Variants in ATP2C2 observed in about 807,000 individuals in gnomAD.
The protein encoded by ATP2C2 is ATPase secretory pathway Ca2+ transporting 2.
Under a neutral mutation model 110.8 loss-of-function variants are expected in ATP2C2, and 171 were observed. The observed-to-expected ratio is 1.54, with a 90% confidence interval of 1.36 to 1.75. The LOEUF (loss-of-function observed/expected upper bound fraction) is 1.75. Among genes scored for constraint, ATP2C2 ranks in the 40% most tolerant of loss-of-function variants. The pLI is 0.00. For synonymous variants in ATP2C2, 804 were observed against 508.4 expected, an observed-to-expected ratio of 1.58 and a Z score of -7.82; for missense variants, 1,963 against 1,235.0, an observed-to-expected ratio of 1.59 and a Z score of -8.84.
intron 23 of ATP2C2, 26 bp downstream of exon 23, chr16:84,459,412 T>G (rs1260001734): frequency 6.2e-7 from 1 of 1,610,118 alleles, no homozygotes; most frequent in South Asian, 1.1e-5. Context: ...CTGGGAGCCC[T>G]GTGTCTCTTT....
intron 1 of ATP2C2, among the ~76,000 whole-genome samples, chr16:84,388,256 C>A (rs1403112799): frequency 1.3e-5 from 2 of 151,906 alleles, no homozygotes; most frequent in African/African-American, 4.8e-5. Context: ...ACCCGGGAGG[C>A]AGAGGTTGCA....
intron 2 of ATP2C2, among the ~76,000 whole-genome samples, chr16:84,398,957 C>T (rs1321395930): frequency 6.6e-6 from 1 of 152,240 alleles, no homozygotes; most frequent in East Asian, 1.9e-4. Context: ...GGTAGCACAG[C>T]CCAGCGTGGA....
At chr16:84,421,201 T>C (rs993600773) in intron 7 of ATP2C2, among the ~76,000 whole-genome samples, 13 of 152,208 alleles carry the variant, frequency 8.5e-5, no homozygotes, top group African/African-American at 3.1e-4. Context: ...CAGTGACTTC[T>C]TATGCTTCAT....
intron 1 of ATP2C2, among the ~76,000 whole-genome samples, chr16:84,387,607 A>G (rs2151405271): frequency 6.6e-6 from 1 of 152,308 alleles, no homozygotes; most frequent in Admixed American, 6.5e-5. Flanking sequence ...CGTACTTAGA[A>G]TACTATAGAG....
intron 11 of ATP2C2, among the ~76,000 whole-genome samples, chr16:84,433,021 G>A (rs888879163): frequency 1.3e-5 from 2 of 152,158 alleles, no homozygotes; most frequent in Non-Finnish European, 2.9e-5. Context: ...CAGGGAGGGA[G>A]ACATTTGAGC....
At chr16:84,439,312 A>T in intron 12 of ATP2C2, 22 bp downstream of exon 12, 1 of 1,613,530 alleles carries the variant, frequency 6.2e-7, no homozygotes, top group Non-Finnish European at 8.5e-7. Context: ...CAGCTGGTGG[A>T]ATCCTTACAC....
intron 1 of ATP2C2, among the ~76,000 whole-genome samples, chr16:84,383,136 G>A (rs1567685831): frequency 6.6e-6 from 1 of 152,198 alleles, no homozygotes; most frequent in African/African-American, 2.4e-5. Flanking sequence ...GCACAGCTCA[G>A]TGGCCTACTG....
chr16:84,432,905 C>T (rs1264241424), intron 11 of ATP2C2, among the ~76,000 whole-genome samples: 1 of 152,110 alleles, frequency 6.6e-6, no homozygotes, highest in Non-Finnish European at 1.5e-5. Flanking sequence ...TGTGATTCGA[C>T]ACTGTCCCCT....
At chr16:84,413,783 C>G (rs1342482270) in intron 6 of ATP2C2, among the ~76,000 whole-genome samples, 1 of 151,980 alleles carries the variant, frequency 6.6e-6, no homozygotes, top group Non-Finnish European at 1.5e-5. Context: ...GGAAACCCTG[C>G]TGTGCGGGAC....
chr16:84,410,952 C>T, intron 6 of ATP2C2, 187 bp downstream of exon 6: 1 of 629,066 alleles, frequency 1.6e-6, no homozygotes. Context: ...GCATGTCACT[C>T]AACCTCTCTG....
intron 26 of ATP2C2, 83 bp from the exon 27 acceptor site, chr16:84,463,528 CAGG>C (rs1227240146): frequency 1.8e-6 from 2 of 1,123,256 alleles, no homozygotes; most frequent in Admixed American, 1.7e-5. Flanking sequence ...CTCACTTTAT[CAGG>C]AGGACTGGCA....
At position 84,460,527 on chromosome 16, in the gene ATP2C2, C is replaced by T. The variant is rs545035213; in HGVS notation, c.2334-127C>T. On this transcript the variant is annotated intron_variant, in intron 23 of 26. Coordinates refer to ENST00000262429, the MANE Select transcript of ATP2C2 (RefSeq NM_014861.4). The stretch of plus-strand genomic sequence containing the variant: ...GGAGGGCAGGTGCGATGCCTGGGGG[C>T]GTTCAGCAAATGCCTGGCCCTGCCC... 63 of 1,326,016 alleles carry T rather than the reference C, an allele frequency of 4.8e-5. No individual in the cohort carries two copies. The South Asian group carries it at 6.3e-4, about 13-fold the overall frequency. The allele number at this position is 1,326,016 out of a possible 1,614,324, so 82.1% of individuals were successfully genotyped here.
At position 84,418,187 on chromosome 16, in the gene ATP2C2, A is replaced by G. The variant is rs149756306; in HGVS notation, c.624+2596A>G. ...GACGCTTCGTCTTGGAGGTGGGGGC[A>G]CCGGGTGGGCATGAGCCCTGTGTGT... On this transcript the variant is annotated intron_variant, in intron 7 of 26. Coordinates refer to ENST00000262429, the MANE Select transcript of ATP2C2 (RefSeq NM_014861.4). Among the ~76,000 whole-genome samples, 1,070 of 152,272 alleles carry G rather than the reference A, an allele frequency of 7.0e-3. 15 individuals carry two copies. The highest frequency in any genetic ancestry group is 0.024 in the African/African-American group (1,015 of 41,560).
intron 6 of ATP2C2, among the ~76,000 whole-genome samples, chr16:84,411,515 C>T (rs916369008): frequency 5.9e-5 from 9 of 152,174 alleles, no homozygotes; most frequent in Non-Finnish European, 7.3e-5. Context: ...AATCTCAGTT[C>T]GCTGCAACCT....
chr16:84,421,823 G>A (rs1907366091), intron 7 of ATP2C2, among the ~76,000 whole-genome samples: 1 of 152,180 alleles, frequency 6.6e-6, no homozygotes, highest in African/African-American at 2.4e-5. Flanking sequence ...TTCCATTGGG[G>A]GTGGTGAGTT....
intron 1 of ATP2C2, among the ~76,000 whole-genome samples, chr16:84,385,015 C>T (rs917263988): frequency 6.6e-6 from 1 of 152,214 alleles, no homozygotes; most frequent in Non-Finnish European, 1.5e-5. Context: ...TAGCACTGCA[C>T]TCCAGCCTAG....
chr16:84,430,685 A>G (rs997360889), intron 11 of ATP2C2, among the ~76,000 whole-genome samples: 26 of 150,744 alleles, frequency 1.7e-4, no homozygotes, highest in Admixed American at 5.9e-4. Flanking sequence ...CAAGGAATTG[A>G]AGAGGGAGGG....
chr16:84,410,734 C>A lies in ATP2C2; in HGVS notation c.484C>A (p.Leu162Met). 6.2e-7 allele frequency: 1 copy of A among 1,614,198 alleles called. No homozygotes were observed. The highest frequency in any genetic ancestry group is 8.5e-7 in the Non-Finnish European group (1 of 1,180,024). ...EYRSEKSLEE[L>M]TKLVPPECNC... ...CAGGTCGGAGAAATCTCTGGAAGAGCTGACCAAGCTGGTTCCTCCAGAATG... is the reference window on the plus strand; with the variant it reads ...CAGGTCGGAGAAATCTCTGGAAGAGATGACCAAGCTGGTTCCTCCAGAATG... Residue 162 changes from leucine (L) to methionine (M), a missense_variant, in exon 6 of 27, where the codon CTG becomes ATG. Coordinates refer to ENST00000262429, the MANE Select transcript of ATP2C2 (RefSeq NM_014861.4).
intron 6 of ATP2C2, among the ~76,000 whole-genome samples, chr16:84,413,672 A>T (rs1906585915): frequency 6.6e-6 from 1 of 152,162 alleles, no homozygotes; most frequent in Non-Finnish European, 1.5e-5. Flanking sequence ...AGACGGTTTT[A>T]TGTACAAAAG....
Sources: allele counts gnomAD v4.1 joint callset (sites outside exome capture counted in the v4.1 genomes callset), GRCh38; gene constraint gnomAD v4.1.1; transcripts MANE v1.5; gene names NCBI Gene and HGNC (gene_info 2026-07-23, HGNC 2026-07-21).